DHX57: variants seen among roughly 807,000 people sequenced by gnomAD.
The protein encoded by DHX57 is putative ATP-dependent RNA helicase DHX57.
A neutral mutation model predicts 156.2 loss-of-function variants in DHX57; 105 were observed. That is an observed-to-expected ratio of 0.67 (90% confidence interval 0.57 to 0.79). The LOEUF (loss-of-function observed/expected upper bound fraction) is 0.79. Among genes scored for constraint, DHX57 ranks in the 30% least tolerant of loss-of-function variants. The pLI is 0.00. For synonymous variants in DHX57, 704 were observed against 595.6 expected (o/e 1.18, Z -2.65); for missense variants, 1,847 against 1,661.9 (o/e 1.11, Z -1.94).
At chr2:38,872,336 T>C (rs1231601383) in intron 1 of DHX57, among the ~76,000 whole-genome samples, 3 of 152,038 alleles carry the variant, frequency 2.0e-5, no homozygotes, top group Non-Finnish European at 4.4e-5. Context: ...CATTGAGAAA[T>C]ACAGACATCC....
At chr2:38,870,175 A>T (rs1370389658) in intron 1 of DHX57, among the ~76,000 whole-genome samples, 1 of 152,162 alleles carries the variant, frequency 6.6e-6, no homozygotes, top group Non-Finnish European at 1.5e-5. Flanking sequence ...AAACAGAGAG[A>T]ACGATAAATG....
intron 21 of DHX57, chr2:38,811,616 G>A (rs141769519): frequency 1.5e-5 from 21 of 1,368,070 alleles, no homozygotes; most frequent in East Asian, 1.4e-4. Flanking sequence ...TGTCCAGGCC[G>A]GCACTGTAGG....
intron 15 of DHX57, 110 bp downstream of exon 15, chr2:38,826,405 AT>A (rs995709016): frequency 1.5e-6 from 2 of 1,313,744 alleles, no homozygotes; most frequent in Non-Finnish European, 2.1e-6. Context: ...TTCACAAAGT[AT>A]TTTTTCATAC....
At chr2:38,816,169 C>G in intron 19 of DHX57, 1 of 470,954 alleles carries the variant, frequency 2.1e-6, no homozygotes, top group Non-Finnish European at 4.4e-6. Context: ...TATGGTCTTG[C>G]TGGCTCATCT....
chr2:38,853,824 C>CGCCG, intron 9 of DHX57: 1 of 335,838 alleles, frequency 3.0e-6, no homozygotes, highest in Admixed American at 4.3e-5. Flanking sequence ...AGTATACCTT[C>CGCCG]TAACCTAACA....
At chr2:38,823,337 C>G in intron 16 of DHX57, 68 bp from the exon 17 acceptor site, 1 of 1,416,580 alleles carries the variant, frequency 7.1e-7, no homozygotes, top group Non-Finnish European at 9.6e-7. Flanking sequence ...GGAATAATTT[C>G]TTTTGTGAGT....
At chr2:38,863,205 G>T in intron 3 of DHX57, 156 bp downstream of exon 3, 1 of 773,650 alleles carries the variant, frequency 1.3e-6, no homozygotes, top group Non-Finnish European at 1.9e-6. Context: ...AATTGTGGCT[G>T]AATAATTATT....
chr2:38,843,232 G>A, intron 11 of DHX57, 22 bp from the exon 12 acceptor site: 1 of 1,611,440 alleles, frequency 6.2e-7, no homozygotes, highest in Non-Finnish European at 8.5e-7. Context: ...AAAGGAATGT[G>A]GTTGTGTGTA....
intron 22 of DHX57, chr2:38,803,172 C>T (rs1181742093): frequency 1.2e-5 from 5 of 412,106 alleles, no homozygotes; most frequent in Non-Finnish European, 2.2e-5. Flanking sequence ...GAGATAGGGT[C>T]TCACCATGTT....
At chr2:38,846,771 A>G (rs973951524) in intron 11 of DHX57, among the ~76,000 whole-genome samples, 2 of 152,188 alleles carry the variant, frequency 1.3e-5, no homozygotes, top group Non-Finnish European at 1.5e-5. Flanking sequence ...GTGCAGAAAA[A>G]TTAGAAAAAA....
At chr2:38,801,833 G>A (rs1234226707) in intron 23 of DHX57, among the ~76,000 whole-genome samples, 1 of 152,056 alleles carries the variant, frequency 6.6e-6, no homozygotes, top group African/African-American at 2.4e-5. Context: ...CTGACCTCAG[G>A]TGATCTGCCC....
chr2:38,841,278 T>G (rs1017504952), intron 12 of DHX57, among the ~76,000 whole-genome samples: 2 of 152,222 alleles, frequency 1.3e-5, no homozygotes, highest in African/African-American at 4.8e-5. Context: ...CCTTGTGGGT[T>G]TGTATTATAC....
intron 12 of DHX57, among the ~76,000 whole-genome samples, chr2:38,839,612 T>C (rs1481149661): frequency 2.0e-5 from 3 of 151,020 alleles, no homozygotes; most frequent in Non-Finnish European, 2.9e-5. Context: ...TCCCAGCTAC[T>C]TGGGAGGCTG....
intron 21 of DHX57, chr2:38,811,416 A>G (rs1434260693): frequency 6.8e-6 from 4 of 584,684 alleles, no homozygotes; most frequent in African/African-American, 1.9e-5. Flanking sequence ...CCCAGGAGGT[A>G]GCAGTCCTCA....
intron 2 of DHX57, 118 bp downstream of exon 2, chr2:38,868,064 G>C: frequency 1.5e-6 from 2 of 1,304,104 alleles, no homozygotes; most frequent in Non-Finnish European, 2.1e-6. Flanking sequence ...GGGTTACAAA[G>C]AGGAAGACAA....
chr2:38,847,937 G>A (rs1206132080), intron 10 of DHX57, among the ~76,000 whole-genome samples: 1 of 151,938 alleles, frequency 6.6e-6, no homozygotes, highest in East Asian at 1.9e-4. Context: ...CAAAAAATTA[G>A]CTGGGTGAGG....
intron 5 of DHX57, among the ~76,000 whole-genome samples, chr2:38,859,846 G>C (rs925716568): frequency 2.1e-5 from 3 of 142,748 alleles, no homozygotes; most frequent in African/African-American, 7.8e-5. Context: ...TTAAGAAATA[G>C]AGTCTCACTC....
chr2:38,803,119 T>G, intron 22 of DHX57: 2 of 569,206 alleles, frequency 3.5e-6, no homozygotes, highest in South Asian at 2.4e-5. Context: ...CTCACACTTG[T>G]GTTTAAAAAA....
intron 7 of DHX57, 72 bp from the exon 8 acceptor site, chr2:38,855,324 G>C: frequency 4.8e-6 from 7 of 1,468,204 alleles, no homozygotes; most frequent in Non-Finnish European, 6.7e-6. Context: ...CAATCATATG[G>C]AATGAGAAAA....
Sources: gnomAD v4.1 joint callset for allele counts (sites outside exome capture counted in the v4.1 genomes callset) on GRCh38, gnomAD v4.1.1 for gene constraint, MANE v1.5 for transcripts, NCBI Gene and HGNC (gene_info 2026-07-23, HGNC 2026-07-21) for gene names.